The following PPP2R5E variants were observed in gnomAD, a reference collection of about 807,000 sequenced individuals.
PPP2R5E encodes serine/threonine-protein phosphatase 2A 56 kDa regulatory subunit epsilon isoform.
PPP2R5E carries 4 observed loss-of-function variants against 65.3 expected under a neutral mutation model. The ratio of observed to expected loss-of-function variants is 0.06; its 90% confidence interval spans 0.03 to 0.14. The LOEUF (loss-of-function observed/expected upper bound fraction) is 0.14. Ranked by LOEUF, PPP2R5E falls within the 10% of genes least tolerant of loss-of-function variation. The pLI is 1.00. For synonymous variants in PPP2R5E, 183 were observed against 187.4 expected (o/e 0.98, Z 0.19); for missense variants, 274 against 556.1 (o/e 0.49, Z 5.10).
chr14:63,389,546 T>C (rs1884886904), intron 11 of PPP2R5E, 66 bp downstream of exon 11: 2 of 1,503,798 alleles, frequency 1.3e-6, no homozygotes, highest in East Asian at 2.4e-5. Flanking sequence ...TACATTGCTT[T>C]TGAAACAAAT....
At chr14:63,451,605 A>G (rs905943414) in intron 3 of PPP2R5E, 1 of 152,256 alleles carries the variant, frequency 6.6e-6, no homozygotes, top group Non-Finnish European at 1.5e-5. Context: ...CAGGGCAGTG[A>G]TGTATGGTAT....
chr14:63,385,653 G>A (rs1884620070), intron 11 of PPP2R5E, among the ~76,000 whole-genome samples: 1 of 152,126 alleles, frequency 6.6e-6, no homozygotes, highest in Admixed American at 6.5e-5. Context: ...ACAGCAAGTA[G>A]AATGTATCAT....
chr14:63,529,746 TAAG>T, intron 2 of PPP2R5E, among the ~76,000 whole-genome samples: 1 of 152,288 alleles, frequency 6.6e-6, no homozygotes, highest in East Asian at 1.9e-4. Context: ...ACTTGAATGA[TAAG>T]AAGTTGGGGA....
chr14:63,385,573 C>G (rs1884613495), intron 11 of PPP2R5E, among the ~76,000 whole-genome samples: 1 of 152,096 alleles, frequency 6.6e-6, no homozygotes, highest in Non-Finnish European at 1.5e-5. Context: ...GAGGAACACC[C>G]ACAGTTGCTC....
At chr14:63,514,169 T>C (rs1268051303) in intron 2 of PPP2R5E, among the ~76,000 whole-genome samples, 3 of 152,218 alleles carry the variant, frequency 2.0e-5, no homozygotes. Context: ...TCTAATCAAA[T>C]AAATACTACC....
intron 4 of PPP2R5E, among the ~76,000 whole-genome samples, chr14:63,418,690 T>C (rs1199238168): frequency 6.7e-6 from 1 of 150,150 alleles, no homozygotes; most frequent in Non-Finnish European, 1.5e-5. Flanking sequence ...TTTCAGAAAA[T>C]ACATAAACAA....
At chr14:63,523,992 G>A (rs1195611247) in intron 2 of PPP2R5E, among the ~76,000 whole-genome samples, 1 of 152,160 alleles carries the variant, frequency 6.6e-6, no homozygotes. Flanking sequence ...AGATATGGTG[G>A]AGGAGTATGC....
At chr14:63,488,527 C>A (rs548682487) in intron 2 of PPP2R5E, among the ~76,000 whole-genome samples, 1 of 152,044 alleles carries the variant, frequency 6.6e-6, no homozygotes, top group South Asian at 2.1e-4. Flanking sequence ...AAGAGAATCC[C>A]CTAGACTCTA....
chr14:63,494,878 T>C (rs747098073), intron 2 of PPP2R5E, among the ~76,000 whole-genome samples: 7 of 145,264 alleles, frequency 4.8e-5, no homozygotes, highest in Non-Finnish European at 7.5e-5. Context: ...GGCTGAGCAA[T>C]AGAGCCAGAC....
rs73278617 is a variant in PPP2R5E, at chr14:63,512,258, A to G, written c.157+27271T>C. 4.9e-3 allele frequency among the ~76,000 whole-genome samples: 746 copies of G among 152,298 alleles called. 3 individuals are homozygous for G. The highest frequency in any genetic ancestry group is 0.017 in the African/African-American group (713 of 41,568). ...TTCAAGATCATCTAGATAGAGGAAC[A>G]GTTACGCTCTTTCCTTATAGAAAAG... On this transcript the variant is annotated intron_variant, in intron 2 of 13. Coordinates refer to ENST00000337537, the MANE Select transcript of PPP2R5E (RefSeq NM_006246.5).
chr14:63,376,837 G>A (rs189644860), intron 13 of PPP2R5E, among the ~76,000 whole-genome samples: 1 of 152,264 alleles, frequency 6.6e-6, no homozygotes, highest in East Asian at 1.9e-4. Flanking sequence ...TCACTACACT[G>A]TCTCTGGTTT....
chr14:63,482,454 G>A (rs979802953), intron 2 of PPP2R5E, among the ~76,000 whole-genome samples: 9 of 152,118 alleles, frequency 5.9e-5, no homozygotes, highest in African/African-American at 9.7e-5. Flanking sequence ...GTGGGACTCC[G>A]TCTTGGAAAA....
rs1048070269 is a variant in PPP2R5E, at chr14:63,374,277, A to G, written c.*1732T>C. ...TGAAAATAATAAAACTGCGTATTCT[A>G]CTTTATATTTAAATGTAAGGAAGAA... On this transcript the variant is annotated 3_prime_UTR_variant, in exon 14 of 14. Coordinates refer to ENST00000337537, the MANE Select transcript of PPP2R5E (RefSeq NM_006246.5). 1 of 151,998 alleles carries G rather than the reference A, an allele frequency of 6.6e-6. No homozygotes were observed. The highest frequency in any genetic ancestry group is 2.4e-5 in the African/African-American group (1 of 41,408). 9.4% of individuals were successfully genotyped at this position (151,998 alleles called of 1,614,324 possible).
chr14:63,539,540 G>A lies in PPP2R5E; in HGVS notation c.146C>T (p.Pro49Leu), dbSNP rs1335995706. Residue 49 changes from proline (P) to leucine (L), a missense_variant, in exon 2 of 14, where the codon CCG (proline) becomes CTG (leucine). Coordinates refer to ENST00000337537, the MANE Select transcript of PPP2R5E (RefSeq NM_006246.5). ...GTCATGAGCCTTACCTTTTAGCAGC[G>A]GCAGAGGTGTTAACTCAATAGGCTT... ...QGKPIELTPL[P>L]LLKDVPSSEQ... is the part of the protein sequence containing the mutation. The A allele has an allele frequency of 1.9e-6, 3 of 1,613,712 alleles. No homozygotes were observed. Among genetic ancestry groups the A allele is most frequent in the Non-Finnish European group, 2.5e-6 (3 of 1,179,736 alleles).
chr14:63,435,616 G>A (rs1190249445), intron 3 of PPP2R5E, among the ~76,000 whole-genome samples: 1 of 152,160 alleles, frequency 6.6e-6, no homozygotes, highest in Admixed American at 6.5e-5. Flanking sequence ...CCATCTACAA[G>A]ATTAAGTCTA....
intron 3 of PPP2R5E, among the ~76,000 whole-genome samples, chr14:63,436,971 G>C (rs1014270516): frequency 1.3e-5 from 2 of 152,176 alleles, no homozygotes; most frequent in East Asian, 3.9e-4. Context: ...GGATGAAATA[G>C]GAAGTCAGCA....
chr14:63,540,963 C>T (rs560887733), intron 1 of PPP2R5E, among the ~76,000 whole-genome samples: 19 of 152,290 alleles, frequency 1.2e-4, no homozygotes, highest in African/African-American at 4.3e-4. Context: ...TATTCTGTAA[C>T]TGGAAAACTT....
At chr14:63,440,380 T>A (rs1040147750) in intron 3 of PPP2R5E, among the ~76,000 whole-genome samples, 1 of 147,948 alleles carries the variant, frequency 6.8e-6, no homozygotes. Flanking sequence ...GCAGAAGTGG[T>A]AGGAGAGAGG....
At chr14:63,511,423 G>A (rs142690029) in intron 2 of PPP2R5E, among the ~76,000 whole-genome samples, 113 of 152,218 alleles carry the variant, frequency 7.4e-4, no homozygotes, top group Admixed American at 1.5e-3. Context: ...CCATCTGACG[G>A]GATGTTCATG....
Sources: allele counts gnomAD v4.1 joint callset (sites outside exome capture counted in the v4.1 genomes callset), GRCh38; gene constraint gnomAD v4.1.1; transcripts MANE v1.5; gene names NCBI Gene and HGNC (gene_info 2026-07-23, HGNC 2026-07-21).